The following BAZ1A variants were observed in gnomAD, a reference collection of about 807,000 sequenced individuals.
BAZ1A encodes the protein bromodomain adjacent to zinc finger domain protein 1A.
A neutral mutation model predicts 185.2 loss-of-function variants in BAZ1A; 50 were observed. That is an observed-to-expected ratio of 0.27 (90% CI 0.22 to 0.34). The LOEUF (loss-of-function observed/expected upper bound fraction) is 0.34. Ranked by LOEUF, BAZ1A falls within the 10% of genes least tolerant of loss-of-function variation. The pLI is 1.00. For missense variants in BAZ1A, 1,356 were observed against 1,839.9 expected, an observed-to-expected ratio of 0.74 and a Z score of 4.81; for synonymous variants, 571 against 615.6, an observed-to-expected ratio of 0.93 and a Z score of 1.07.
At chr14:34,860,882 G>C (rs1483003065) in intron 3 of BAZ1A, among the ~76,000 whole-genome samples, 2 of 151,768 alleles carry the variant, frequency 1.3e-5, no homozygotes, top group African/African-American at 4.8e-5. Flanking sequence ...TGGGCAACAA[G>C]AGCGGAACTC....
chr14:34,834,846 C>T (rs1255434717), intron 3 of BAZ1A, among the ~76,000 whole-genome samples: 1 of 152,020 alleles, frequency 6.6e-6, no homozygotes, highest in African/African-American at 2.4e-5. Flanking sequence ...GAATTAAGAC[C>T]CAGCTAGAGG....
intron 2 of BAZ1A, among the ~76,000 whole-genome samples, chr14:34,865,160 ATCGC>A: frequency 6.6e-6 from 1 of 152,244 alleles, no homozygotes; most frequent in East Asian, 1.9e-4. Context: ...AGGCAGGAGA[ATCGC>A]TTCAGTCCAG....
In BAZ1A at chr14:34,786,298, G is replaced by GA. The variant is rs537028795; in HGVS notation, c.1511-78dup. ...GGGAATAATGCCCGTTTTAAATGAT[G>GA]AAAGAAACAGCAAACGCCTTAACAT... On this transcript the variant is annotated intron_variant, in intron 12 of 26. Transcript: ENST00000360310. 49 of 1,323,482 alleles carry GA rather than the reference G, an allele frequency of 3.7e-5. 2 individuals carry two copies. In the South Asian group the frequency reaches 6.0e-4, roughly 16 times the overall value. 82.0% of individuals were successfully genotyped at this position (1,323,482 alleles called of 1,614,324 possible). A position where few individuals can be genotyped will look rare whatever the true frequency, so the allele number is the denominator to read the frequency against.
Position 34,764,936 on chromosome 14 carries a change from G to A in BAZ1A, c.3550-3C>T. 1 of 1,613,694 alleles carries A rather than the reference G, an allele frequency of 6.2e-7. No homozygotes were observed. Among genetic ancestry groups the A allele is most frequent in the Non-Finnish European group, 8.5e-7 (1 of 1,179,900 alleles). On this transcript the variant is annotated splice_region_variant and splice_polypyrimidine_tract_variant and intron_variant, in intron 22 of 26. Transcript: ENST00000360310. Reference sequence around the variant, plus strand: ...AACCAGTCTCCTTCAGGCACAGTCTGAAAAAATCACATAAATGATCATTAA... The same window carrying A: ...AACCAGTCTCCTTCAGGCACAGTCTAAAAAAATCACATAAATGATCATTAA...
intron 9 of BAZ1A, among the ~76,000 whole-genome samples, chr14:34,798,083 T>C (rs1198747789): frequency 2.0e-5 from 3 of 152,242 alleles, no homozygotes; most frequent in African/African-American, 7.2e-5. Context: ...TGCAGCAGTC[T>C]GAGATCGACC....
intron 4 of BAZ1A, among the ~76,000 whole-genome samples, chr14:34,825,157 G>A (rs994714790): frequency 6.6e-6 from 1 of 151,930 alleles, no homozygotes; most frequent in Non-Finnish European, 1.5e-5. Flanking sequence ...ATTTTTTCAA[G>A]TAAACAAAAG....
At chr14:34,817,732 G>A (rs2042028714) in intron 4 of BAZ1A, among the ~76,000 whole-genome samples, 1 of 152,202 alleles carries the variant, frequency 6.6e-6, no homozygotes, top group South Asian at 2.1e-4. Flanking sequence ...ATAAGCACAT[G>A]AAATGATACT....
chr14:34,867,494 G>T (rs1278397277), intron 2 of BAZ1A, among the ~76,000 whole-genome samples: 6 of 152,118 alleles, frequency 3.9e-5, no homozygotes, highest in Non-Finnish European at 8.8e-5. Flanking sequence ...CAACAAACAC[G>T]ATTTAGACTT....
chr14:34,824,398 AGCAGC>A (rs1566581503), intron 4 of BAZ1A, among the ~76,000 whole-genome samples: 9 of 104,162 alleles, frequency 8.6e-5, no homozygotes, highest in East Asian at 2.7e-4. Context: ...AAAAAAAAAA[AGCAGC>A]AACTCAAAAA....
rs1203585355 is a variant in BAZ1A at position 34,826,119 on chromosome 14, GTGA to G, written c.427_429del (p.Ser143del). ...TGTCCATTAGCAAAACCATTTTGAT[GTGA>G]TGGAGGGAGGACTTCCAAAATCCTA... On this transcript the variant is annotated inframe_deletion, in exon 4 of 27. Transcript: ENST00000360310. 5.0e-6 allele frequency: 8 copies of G among 1,612,158 alleles called. No individual in the cohort carries two copies. The highest frequency in any genetic ancestry group is 5.9e-6 in the Non-Finnish European group (7 of 1,179,318).
chr14:34,852,941 A>T (rs1282908131), intron 3 of BAZ1A, among the ~76,000 whole-genome samples: 2 of 152,206 alleles, frequency 1.3e-5, no homozygotes, highest in African/African-American at 4.8e-5. Context: ...ACCTGTGTTA[A>T]GACTGGAAGG....
At chr14:34,819,371 T>C (rs1486782527) in intron 4 of BAZ1A, among the ~76,000 whole-genome samples, 7 of 152,108 alleles carry the variant, frequency 4.6e-5, no homozygotes, top group Non-Finnish European at 1.0e-4. Flanking sequence ...TCCCTCCTTC[T>C]CTAAAACCCC....
At chr14:34,772,601 G>T (rs1287735284) in intron 20 of BAZ1A, among the ~76,000 whole-genome samples, 2 of 152,132 alleles carry the variant, frequency 1.3e-5, no homozygotes, top group Non-Finnish European at 2.9e-5. Flanking sequence ...ATTCTGATTA[G>T]TAATAATATT....
chr14:34,830,766 CT>C (rs2042229901), intron 3 of BAZ1A, among the ~76,000 whole-genome samples: 1 of 147,048 alleles, frequency 6.8e-6, no homozygotes, highest in Non-Finnish European at 1.5e-5. Flanking sequence ...ATCTCTACAA[CT>C]CCTTTTTTTT....
In BAZ1A at chr14:34,801,096, A is replaced by G; in HGVS notation, c.959T>C (p.Leu320Pro). The G allele has an allele frequency of 6.3e-7, 1 of 1,586,762 alleles. No homozygotes were observed. Among genetic ancestry groups the G allele is most frequent in the Non-Finnish European group, 8.6e-7 (1 of 1,166,668 alleles). ...TTGGAAACAATGTTAAAACTCACCC[A>G]GTGACTTCATTTCTTCTTGTTTCAA... ...KLLKQEEMKSLAFEKAKLKRE... is the reference protein window; with the variant it reads ...KLLKQEEMKSPAFEKAKLKRE... The change falls in exon 8 of 27, where the codon CTG becomes CCG. Residue 320 changes from leucine (L) to proline (P), a missense_variant and splice_region_variant. This residue lies in a region of BAZ1A where 332 missense variants were observed against 395.3 expected (regional missense o/e 0.84). Transcript: ENST00000360310.
chr14:34,839,539 CAAAAAAAA>C (rs35964410), intron 3 of BAZ1A, among the ~76,000 whole-genome samples: 24 of 80,978 alleles, frequency 3.0e-4, no homozygotes, highest in African/African-American at 1.1e-3. Flanking sequence ...AACTATCTTT[CAAAAAAAA>C]AAAAAAAAAA....
chr14:34,827,770 A>G (rs1266922877), intron 3 of BAZ1A, among the ~76,000 whole-genome samples: 9 of 151,724 alleles, frequency 5.9e-5, no homozygotes, highest in Non-Finnish European at 7.4e-5. Flanking sequence ...ATATTGGCAC[A>G]ATATCTTATT....
chr14:34,808,473 C>T (rs964032953), intron 5 of BAZ1A, among the ~76,000 whole-genome samples: 7 of 151,698 alleles, frequency 4.6e-5, no homozygotes, highest in Non-Finnish European at 7.4e-5. Flanking sequence ...ACTCTAGTCT[C>T]GGAGACAGAG....
intron 3 of BAZ1A, among the ~76,000 whole-genome samples, chr14:34,851,324 C>A (rs1019902528): frequency 3.4e-5 from 4 of 118,018 alleles, no homozygotes; most frequent in Admixed American, 9.6e-5. Flanking sequence ...CAGAGTGGGA[C>A]CCTAGCTCAA....
Sources: gnomAD v4.1 joint callset for allele counts (sites outside exome capture counted in the v4.1 genomes callset) on GRCh38, gnomAD v4.1.1 for gene constraint, gnomAD v4.1.1 regional missense constraint, MANE v1.5 for transcripts, NCBI Gene and HGNC (gene_info 2026-07-23, HGNC 2026-07-21) for gene names.